The following SLCO2A1 variants were observed in gnomAD, a reference collection of about 807,000 sequenced individuals.
The protein encoded by SLCO2A1 is matrin F/G 1.
A neutral mutation model predicts 71.7 loss-of-function variants in SLCO2A1; 60 were observed. The ratio of observed to expected loss-of-function variants is 0.84; its 90% CI spans 0.68 to 1.04. SLCO2A1 has a LOEUF of 1.04. SLCO2A1 is among the 50% of genes least tolerant of loss of function. SLCO2A1 has a pLI of 0.00. For synonymous variants in SLCO2A1, 308 were observed against 326.7 expected (o/e 0.94, Z 0.62); for missense variants, 745 against 813.4 (o/e 0.92, Z 1.02).
At chr3:133,960,596 T>G (rs891010337) in intron 3 of SLCO2A1, among the ~76,000 whole-genome samples, 1 of 152,244 alleles carries the variant, frequency 6.6e-6, no homozygotes, top group Non-Finnish European at 1.5e-5. Flanking sequence ...AATTTTAGTT[T>G]GAGAAGATGA....
At chr3:133,959,900 C>T (rs1260194225) in intron 3 of SLCO2A1, among the ~76,000 whole-genome samples, 1 of 151,970 alleles carries the variant, frequency 6.6e-6, no homozygotes, top group Non-Finnish European at 1.5e-5. Flanking sequence ...GCGGGCAGAT[C>T]ACAAGGTCAG....
chr3:133,999,104 C>T (rs4854785), intron 1 of SLCO2A1, among the ~76,000 whole-genome samples: 37,240 of 152,148 alleles, frequency 0.24, 4,757 homozygotes, highest in East Asian at 0.45. Flanking sequence ...GGTTACTCCT[C>T]GGCTTACAGG....
intron 1 of SLCO2A1, among the ~76,000 whole-genome samples, chr3:134,029,496 G>A (rs904383114): frequency 0.016 from 1,848 of 115,876 alleles, 23 homozygotes; most frequent in African/African-American, 0.053. Context: ...ACACTCGCAC[G>A]CACACACACA....
intron 1 of SLCO2A1, among the ~76,000 whole-genome samples, chr3:134,025,644 T>C (rs1453124972): frequency 6.6e-6 from 1 of 152,120 alleles, no homozygotes; most frequent in Non-Finnish European, 1.5e-5. Context: ...TCTTGTGTCA[T>C]TTAGGCCACT....
intron 1 of SLCO2A1, among the ~76,000 whole-genome samples, chr3:133,981,387 C>T (rs919782543): frequency 1.3e-5 from 2 of 152,196 alleles, no homozygotes; most frequent in Non-Finnish European, 2.9e-5. Context: ...GCTTTTCCCC[C>T]TTCTGTGCCC....
intron 1 of SLCO2A1, among the ~76,000 whole-genome samples, chr3:134,009,602 T>C (rs912887973): frequency 6.6e-6 from 1 of 152,236 alleles, no homozygotes; most frequent in Non-Finnish European, 1.5e-5. Context: ...CCCACGCCCA[T>C]GAAGGGCGTA....
At chr3:133,985,566 C>A (rs1013016792) in intron 1 of SLCO2A1, among the ~76,000 whole-genome samples, 1 of 152,160 alleles carries the variant, frequency 6.6e-6, no homozygotes, top group South Asian at 2.1e-4. Context: ...TCTCCTCACT[C>A]GACTTTTTTT....
At chr3:133,979,430 G>C (rs1446512083) in intron 2 of SLCO2A1, 51 bp downstream of exon 2, 6 of 1,609,970 alleles carry the variant, frequency 3.7e-6, no homozygotes, top group Middle Eastern at 1.7e-4. Flanking sequence ...TGGATCTTGT[G>C]GTCAGCGTGG....
chr3:133,947,217 C>A (rs1933603951), intron 9 of SLCO2A1, 39 bp downstream of exon 9: 1 of 1,559,832 alleles, frequency 6.4e-7, no homozygotes, highest in African/African-American at 1.4e-5. Flanking sequence ...AAGCCCTGGC[C>A]TTATTAAAGG....
At chr3:134,003,164 G>A (rs77171404) in intron 1 of SLCO2A1, among the ~76,000 whole-genome samples, 4,458 of 152,288 alleles carry the variant, frequency 0.029, 231 homozygotes, top group African/African-American at 0.1. Context: ...TCTACCTGTA[G>A]GTTTCAAGAC....
chr3:133,979,397 GC>G (rs1934531512), intron 2 of SLCO2A1, 83 bp downstream of exon 2: 1 of 1,549,944 alleles, frequency 6.5e-7, no homozygotes, highest in South Asian at 1.1e-5. Flanking sequence ...GCACATCTCA[GC>G]CCCCTGTTCC....
chr3:133,947,440 C>A lies in SLCO2A1; in HGVS notation c.1111G>T (p.Val371Leu), dbSNP rs201540791. The A allele has an allele frequency of 6.2e-7, 1 of 1,612,240 alleles. No homozygotes were observed. The highest frequency in any genetic ancestry group is 1.3e-5 in the African/African-American group (1 of 74,992). Reference sequence around the variant, plus strand: ...CCCAAGGCTGCAGCAGGGAGGTTCACAGCACCTATAAGTGGAAAGAAGGAG... The same window carrying A: ...CCCAAGGCTGCAGCAGGGAGGTTCAAAGCACCTATAAGTGGAAAGAAGGAG... Reference protein sequence around the residue: ...AAYANFLIGAVNLPAAALGML... With the variant: ...AAYANFLIGALNLPAAALGML... Residue 371 changes from valine (V) to leucine (L), a missense_variant, in exon 9 of 14, where the codon GTG becomes TTG. Coordinates refer to ENST00000310926, the MANE Select transcript of SLCO2A1 (RefSeq NM_005630.3).
rs572188042 is a variant in SLCO2A1, at chr3:134,027,808, T to C, written c.96+1899A>G. On this transcript the variant is annotated intron_variant, in intron 1 of 13. Coordinates refer to ENST00000310926, the MANE Select transcript of SLCO2A1 (RefSeq NM_005630.3). Reference sequence around the variant, plus strand: ...TGCAAGTGACTTTAACTGATGGAATTTGAGATTCAAGATTTACCTTAAGCT... The same window carrying C: ...TGCAAGTGACTTTAACTGATGGAATCTGAGATTCAAGATTTACCTTAAGCT... Among the ~76,000 whole-genome samples the C allele has an allele frequency of 1.2e-4, 18 of 152,332 alleles. No homozygotes were observed. The South Asian group carries it at 3.7e-3, about 32-fold the overall frequency.
At chr3:133,953,821 G>A in intron 4 of SLCO2A1, 60 bp from the exon 5 acceptor site, 1 of 1,381,846 alleles carries the variant, frequency 7.2e-7, no homozygotes. Context: ...GGCAGCCTTG[G>A]GCTCCCAAGC....
rs1433428876 is a variant in SLCO2A1 at position 133,945,062 on chromosome 3, C to T, written c.1461+33G>A. ...CGCTGAGCTCCGAGATCCTGTGGGG[C>T]TCCTCTTGCCTCTGGACCCTGGCTG... is the stretch of plus-strand genomic sequence containing the variant. On this transcript the variant is annotated intron_variant, in intron 10 of 13. Transcript: ENST00000310926. 4 of 1,585,434 alleles carry T rather than the reference C, an allele frequency of 2.5e-6. No individual in the cohort carries two copies. In the African/African-American group the frequency reaches 5.4e-5, roughly 22 times the overall value.
Position 133,934,514 on chromosome 3 carries a change from C to T in SLCO2A1, c.*199G>A, listed in dbSNP as rs1160153596. 2 of 498,086 alleles carry T rather than the reference C, an allele frequency of 4.0e-6. No individual in the cohort carries two copies. Among genetic ancestry groups the T allele is most frequent in the Non-Finnish European group, 7.2e-6 (2 of 276,628 alleles). 30.9% of individuals were successfully genotyped at this position (498,086 alleles called of 1,614,324 possible). On this transcript the variant is annotated 3_prime_UTR_variant, in exon 14 of 14. Transcript: ENST00000310926. ...CTCAGCCCCCCAGTTCTGGCCCACA[C>T]AGCCCGGGTACACAGTGGCCCTTAG...
intron 1 of SLCO2A1, among the ~76,000 whole-genome samples, chr3:134,028,342 A>C (rs1935738932): frequency 2.6e-5 from 4 of 152,234 alleles, no homozygotes; most frequent in Admixed American, 2.6e-4. Flanking sequence ...ATTCCTGATG[A>C]AATTTCTCCA....
At chr3:134,022,953 T>C (rs530935353) in intron 1 of SLCO2A1, among the ~76,000 whole-genome samples, 1 of 152,296 alleles carries the variant, frequency 6.6e-6, no homozygotes, top group African/African-American at 2.4e-5. Context: ...TTCCTTTCTC[T>C]CAAAAACTAA....
intron 1 of SLCO2A1, among the ~76,000 whole-genome samples, chr3:133,991,320 G>A (rs998544096): frequency 8.5e-5 from 13 of 152,268 alleles, no homozygotes; most frequent in African/African-American, 2.6e-4. Flanking sequence ...TCCATCAGCC[G>A]TTGGCCTGCT....
Sources: allele counts gnomAD v4.1 joint callset (sites outside exome capture counted in the v4.1 genomes callset), GRCh38; gene constraint gnomAD v4.1.1; transcripts MANE v1.5; gene names NCBI Gene and HGNC (gene_info 2026-07-23, HGNC 2026-07-21).